The following CUL2 variants were observed in gnomAD, a reference collection of about 807,000 sequenced individuals.
CUL2 encodes cullin-2.
In CUL2, 22 loss-of-function variants were observed where a neutral mutation model predicts 110.2. The observed-to-expected ratio is 0.20, with a 90% CI of 0.14 to 0.28. The LOEUF (loss-of-function observed/expected upper bound fraction) is 0.28, where lower values mean the gene tolerates loss of function less well. CUL2 is among the 10% of genes least tolerant of loss of function. The pLI is 1.00. For synonymous variants in CUL2, 279 were observed against 293.2 expected (o/e 0.95, Z 0.49); for missense variants, 631 against 905.5 (o/e 0.70, Z 3.89).
intron 11 of CUL2, 55 bp downstream of exon 11, chr10:35,033,111 T>C: frequency 9.3e-7 from 1 of 1,077,374 alleles, no homozygotes; most frequent in Non-Finnish European, 1.3e-6. Flanking sequence ...TGAAACTGCC[T>C]AAAGAATGAT....
At chr10:35,076,929 G>A (rs1298389611) in intron 1 of CUL2, among the ~76,000 whole-genome samples, 1 of 152,048 alleles carries the variant, frequency 6.6e-6, no homozygotes, top group Non-Finnish European at 1.5e-5. Context: ...GTGGGCACCT[G>A]TAGTCCCAGC....
intron 1 of CUL2, among the ~76,000 whole-genome samples, chr10:35,117,528 CTTT>C (rs5784440): frequency 1.4e-5 from 2 of 138,308 alleles, no homozygotes; most frequent in Non-Finnish European, 1.6e-5. Context: ...CTGCAACTGG[CTTT>C]TTTTTTTTTT....
At chr10:35,088,340 T>A (rs186439658) in intron 1 of CUL2, among the ~76,000 whole-genome samples, 1 of 151,850 alleles carries the variant, frequency 6.6e-6, no homozygotes, top group Admixed American at 6.6e-5. Context: ...AAACCCAGTC[T>A]CTACTAAAAA....
chr10:35,058,431 G>A (rs983835355), intron 4 of CUL2, among the ~76,000 whole-genome samples: 3 of 152,098 alleles, frequency 2.0e-5, no homozygotes, highest in African/African-American at 7.2e-5. Flanking sequence ...TGCTAGCCTC[G>A]AAACCATTAA....
chr10:35,045,368 C>T (rs1341341679), intron 6 of CUL2, among the ~76,000 whole-genome samples: 1 of 151,946 alleles, frequency 6.6e-6, no homozygotes, highest in African/African-American at 2.4e-5. Context: ...GTGGGAGGAT[C>T]CCTGAGTGCT....
intron 18 of CUL2, 112 bp from the exon 19 acceptor site, chr10:35,013,912 A>G (rs934017981): frequency 2.6e-5 from 17 of 659,960 alleles, no homozygotes; most frequent in Non-Finnish European, 2.6e-5. Context: ...CTCCACTCTC[A>G]TAACTTTTAT....
intron 20 of CUL2, among the ~76,000 whole-genome samples, chr10:35,010,927 C>T (rs1217401750): frequency 6.6e-6 from 1 of 152,160 alleles, no homozygotes; most frequent in East Asian, 1.9e-4. Flanking sequence ...CAGGGACCAG[C>T]CCAGCTGTCT....
chr10:35,079,336 T>C lies in CUL2; in HGVS notation c.-22-7997A>G, dbSNP rs185926691. 2.8e-3 allele frequency among the ~76,000 whole-genome samples: 420 copies of C among 152,322 alleles called. 13 individuals carry two copies. The highest frequency in any genetic ancestry group is 0.025 in the Admixed American group (377 of 15,300). On this transcript the variant is annotated intron_variant, in intron 1 of 20. Transcript: ENST00000374749. ...TGACACATGCATCGGAAGGTCGGCA[T>C]TGGGCTACTTACTACTGACCTTCTG... is the stretch of plus-strand genomic sequence containing the variant.
At chr10:35,051,028 C>T (rs2384286) in intron 5 of CUL2, among the ~76,000 whole-genome samples, 20,617 of 152,286 alleles carry the variant, frequency 0.14, 1,590 homozygotes, top group South Asian at 0.2. Context: ...AAAATAGTGT[C>T]TCCTTGGCCA....
chr10:35,062,399 T>C (rs1014497297), intron 3 of CUL2, among the ~76,000 whole-genome samples: 1 of 152,100 alleles, frequency 6.6e-6, no homozygotes, highest in Admixed American at 6.5e-5. Flanking sequence ...GAGGGAAAAT[T>C]TGGCTGTATA....
intron 2 of CUL2, among the ~76,000 whole-genome samples, chr10:35,063,543 G>A (rs1589022030): frequency 6.6e-6 from 1 of 152,288 alleles, no homozygotes; most frequent in East Asian, 1.9e-4. Flanking sequence ...CATCATAGCA[G>A]TCAGGATACT....
At chr10:35,091,851 C>T (rs1390851339), upstream of CUL2, among the ~76,000 whole-genome samples, 1 of 152,084 alleles carries the variant, frequency 6.6e-6, no homozygotes, top group East Asian at 1.9e-4. Flanking sequence ...TGGTCTTGAA[C>T]TCCTGAGCTC....
intron 1 of CUL2, among the ~76,000 whole-genome samples, chr10:35,086,489 G>C (rs913888599): frequency 1.3e-5 from 2 of 152,012 alleles, no homozygotes; most frequent in African/African-American, 4.8e-5. Flanking sequence ...GGTTCGCCAT[G>C]TTGCCCAAGC....
intron 2 of CUL2, among the ~76,000 whole-genome samples, chr10:35,099,298 G>A (rs1385126026): frequency 6.6e-6 from 1 of 151,836 alleles, no homozygotes; most frequent in Non-Finnish European, 1.5e-5. Context: ...GACTGAGGCA[G>A]GGGAATCACT....
chr10:35,072,727 T>C (rs1199142382), intron 1 of CUL2, among the ~76,000 whole-genome samples: 2 of 152,176 alleles, frequency 1.3e-5, no homozygotes, highest in Non-Finnish European at 2.9e-5. Context: ...CATTTAGGAA[T>C]TAGCTGGTTT....
At chr10:35,042,073 C>T (rs2085807137) in intron 8 of CUL2, among the ~76,000 whole-genome samples, 2 of 152,128 alleles carry the variant, frequency 1.3e-5, no homozygotes, top group South Asian at 2.1e-4. Context: ...CATTAAATAA[C>T]GCTCACTATG....
rs1257293399 is a variant in CUL2 at position 35,016,208 on chromosome 10, T to C, written c.1871A>G (p.Asn624Ser). 6.2e-7 allele frequency: 1 copy of C among 1,612,944 alleles called. No homozygotes were observed. Among genetic ancestry groups the C allele is most frequent in the Admixed American group, 1.7e-5 (1 of 60,016 alleles). ...IKSLLDVKMI[N>S]HDSEKEDIDA... ...ACTACATACCTTTTCTGAATCATGG[T>C]TAATCATTTTCACATCAAGTAATGA... The change falls in exon 18 of 21, where the codon AAC (asparagine) becomes AGC (serine). Residue 624 changes from asparagine to serine, a missense_variant. By Grantham distance (46) the Asn-to-Ser change is conservative. This residue lies in a region of CUL2 where 159 missense variants were observed against 202.7 expected (regional missense o/e 0.78). Transcript: ENST00000374749.
chr10:35,107,647 C>G (rs976863417), intron 1 of CUL2, among the ~76,000 whole-genome samples: 1 of 150,932 alleles, frequency 6.6e-6, no homozygotes, highest in African/African-American at 2.4e-5. Context: ...CTTAGGGAGG[C>G]CGAGGCGGGT....
intron 8 of CUL2, among the ~76,000 whole-genome samples, chr10:35,040,943 G>A (rs371749297): frequency 3.9e-5 from 6 of 152,258 alleles, no homozygotes; most frequent in African/African-American, 1.4e-4. Context: ...CTCACACAGT[G>A]GCTGCTCACT....
Sources: allele counts gnomAD v4.1 joint callset (sites outside exome capture counted in the v4.1 genomes callset), GRCh38; gene constraint gnomAD v4.1.1; regional missense constraint gnomAD v4.1.1; transcripts MANE v1.5; gene names NCBI Gene and HGNC (gene_info 2026-07-23, HGNC 2026-07-21).